Variants in GRK3 observed in about 807,000 individuals in gnomAD.
The protein encoded by GRK3 is adrenergic, beta, receptor kinase 2.
GRK3 carries 54 observed loss-of-function variants against 95.7 expected under a neutral mutation model. The ratio of observed to expected loss-of-function variants is 0.56; its 90% CI spans 0.45 to 0.71. GRK3 has a LOEUF of 0.71. Among genes scored for constraint, GRK3 ranks in the 30% least tolerant of loss-of-function variants. GRK3 has a pLI of 0.00. For synonymous variants in GRK3, 281 were observed against 290.8 expected, an observed-to-expected ratio of 0.97 and a Z score of 0.34; for missense variants, 649 against 851.2, an observed-to-expected ratio of 0.76 and a Z score of 2.96.
chr22:25,601,701 G>T lies in GRK3; in HGVS notation c.114-2676G>T, dbSNP rs757129262. ...CATACTTAGTGTTGAACCAACAAAG[G>T]TGCCAAGATAATTTAATGGAGAAAA... On this transcript the variant is annotated intron_variant, in intron 1 of 20. Coordinates refer to ENST00000324198, the MANE Select transcript of GRK3 (RefSeq NM_005160.4). 3.9e-4 allele frequency among the ~76,000 whole-genome samples: 59 copies of T among 152,158 alleles called. 1 individual carries two copies. In the Middle Eastern group the frequency reaches 0.024, roughly 61 times the overall value.
intron 4 of GRK3, among the ~76,000 whole-genome samples, chr22:25,662,467 A>G (rs1023161113): frequency 1.3e-5 from 2 of 152,128 alleles, no homozygotes; most frequent in Admixed American, 6.5e-5. Context: ...CAGATACACA[A>G]CCCTCCCATT....
In GRK3 at chr22:25,704,207, C is replaced by A. The variant is rs778579878; in HGVS notation, c.1326C>A (p.Gly442=). ...DVSKRLGCHG[G]GSQEVKEHSF... ...GCAAGCGGCTGGGCTGTCACGGAGGCGGGTAGGCCATTGTTCCTGCCTTTC... is the reference window on the plus strand; with the variant it reads ...GCAAGCGGCTGGGCTGTCACGGAGGAGGGTAGGCCATTGTTCCTGCCTTTC... The change falls in exon 15 of 21, where the codon GGC becomes GGA. Residue 442 remains glycine (G), a splice_region_variant and synonymous_variant. Coordinates refer to ENST00000324198, the MANE Select transcript of GRK3 (RefSeq NM_005160.4). The A allele has an allele frequency of 6.2e-7, 1 of 1,610,240 alleles. No homozygotes were observed. Among genetic ancestry groups the A allele is most frequent in the Non-Finnish European group, 8.5e-7 (1 of 1,177,730 alleles).
chr22:25,717,052 C>T (rs1382097817), intron 18 of GRK3, among the ~76,000 whole-genome samples: 2 of 152,204 alleles, frequency 1.3e-5, no homozygotes, highest in African/African-American at 2.4e-5. Context: ...CTAAACTGGT[C>T]CCCGGTGCCA....
intron 1 of GRK3, among the ~76,000 whole-genome samples, chr22:25,582,378 T>C (rs1410133309): frequency 6.6e-6 from 1 of 152,076 alleles, no homozygotes; most frequent in Admixed American, 6.6e-5. Flanking sequence ...GAGAAAAATT[T>C]TAAAAAATCT....
intron 1 of GRK3, among the ~76,000 whole-genome samples, chr22:25,567,705 C>A (rs1237509470): frequency 6.6e-6 from 1 of 152,134 alleles, no homozygotes; most frequent in Non-Finnish European, 1.5e-5. Flanking sequence ...TTTTAATTTG[C>A]CTTTGGTCTA....
chr22:25,648,603 C>A, intron 3 of GRK3: 2 of 1,166,386 alleles, frequency 1.7e-6, no homozygotes, highest in Non-Finnish European at 1.3e-6. Flanking sequence ...TAAACTTGTT[C>A]CACTATATGC....
intron 2 of GRK3, among the ~76,000 whole-genome samples, chr22:25,635,733 A>G (rs959639871): frequency 1.3e-5 from 2 of 152,180 alleles, no homozygotes; most frequent in African/African-American, 4.8e-5. Flanking sequence ...GGTGTTTGCT[A>G]GCATCCTCCA....
intron 6 of GRK3, among the ~76,000 whole-genome samples, chr22:25,670,709 T>C (rs1266551955): frequency 1.3e-5 from 2 of 151,984 alleles, no homozygotes; most frequent in Non-Finnish European, 2.9e-5. Context: ...CACCAGAATG[T>C]TCTCTACGAA....
At chr22:25,655,749 C>A (rs891528725) in intron 3 of GRK3, among the ~76,000 whole-genome samples, 1 of 152,164 alleles carries the variant, frequency 6.6e-6, no homozygotes, top group Non-Finnish European at 1.5e-5. Context: ...CTTACAAATG[C>A]AGACACTGTC....
At chr22:25,642,992 G>GA (rs2084754434) in intron 2 of GRK3, among the ~76,000 whole-genome samples, 1 of 152,176 alleles carries the variant, frequency 6.6e-6, no homozygotes, top group African/African-American at 2.4e-5. Context: ...GAGCTAAACA[G>GA]AAAATCAGTG....
chr22:25,616,162 C>T (rs896193386), intron 2 of GRK3, among the ~76,000 whole-genome samples: 2 of 152,072 alleles, frequency 1.3e-5, no homozygotes, highest in Admixed American at 6.5e-5. Context: ...TCAGTCTGGC[C>T]GATGGGGAGG....
chr22:25,684,886 T>C (rs1828548312), intron 9 of GRK3, among the ~76,000 whole-genome samples: 1 of 152,178 alleles, frequency 6.6e-6, no homozygotes, highest in South Asian at 2.1e-4. Flanking sequence ...ACCCACAGCA[T>C]ATATTGTATA....
At chr22:25,648,694 A>G (rs2084805617) in intron 3 of GRK3, 6 of 1,024,114 alleles carry the variant, frequency 5.9e-6, no homozygotes, top group Admixed American at 5.1e-5. Context: ...AAGGAAGGAG[A>G]TGGAAAGTAT....
chr22:25,635,021 G>C (rs1303641707), intron 2 of GRK3, among the ~76,000 whole-genome samples: 1 of 152,182 alleles, frequency 6.6e-6, no homozygotes, highest in East Asian at 1.9e-4. Flanking sequence ...TTTAAACCAA[G>C]CTTGTCCAAC....
At chr22:25,587,901 A>G (rs5760981) in intron 1 of GRK3, among the ~76,000 whole-genome samples, 10,300 of 125,288 alleles carry the variant, frequency 0.082, 89 homozygotes, top group African/African-American at 0.24. Context: ...ACATGGAACT[A>G]TAAGTCCAAT....
intron 4 of GRK3, among the ~76,000 whole-genome samples, chr22:25,662,229 A>G (rs532043400): frequency 6.6e-6 from 1 of 152,340 alleles, no homozygotes; most frequent in East Asian, 1.9e-4. Flanking sequence ...CTGGAAGAAC[A>G]TTTACCATGT....
chr22:25,565,147 A>G lies in GRK3; in HGVS notation c.107A>G (p.Glu36Gly). The change falls in exon 1 of 21, where the codon GAG becomes GGG. Residue 36 changes from glutamate to glycine, a missense_variant. This residue lies in a region of GRK3 where 206 missense variants were observed against 231.4 expected (regional missense o/e 0.89). Coordinates refer to ENST00000324198, the MANE Select transcript of GRK3 (RefSeq NM_005160.4). ...GCCAGCAAGAGGATCGTCCTGCCGG[A>G]GCCCAGGTACCAGCTGCCCCGGCCG... ...ARASKRIVLP[E>G]PSIRSVMQKY... 6.6e-7 allele frequency: 1 copy of G among 1,517,306 alleles called. No individual in the cohort carries two copies. Among genetic ancestry groups the G allele is most frequent in the Non-Finnish European group, 8.8e-7 (1 of 1,133,678 alleles). 94.0% of individuals were successfully genotyped at this position (1,517,306 alleles called of 1,614,324 possible). A position where few individuals can be genotyped will look rare whatever the true frequency, so the allele number is the denominator to read the frequency against.
At position 25,616,496 on chromosome 22, in the gene GRK3, G is replaced by A. The variant is rs529084185; in HGVS notation, c.190+12043G>A. ...TGAGAACAGCAAGGAGGAAATCCGT[G>A]CCCATGACCCAGTCACCTTCCACCA... On this transcript the variant is annotated intron_variant, in intron 2 of 20. Coordinates refer to ENST00000324198, the MANE Select transcript of GRK3 (RefSeq NM_005160.4). 3.5e-3 allele frequency among the ~76,000 whole-genome samples: 531 copies of A among 152,212 alleles called. 7 individuals are homozygous for A. The highest frequency in any genetic ancestry group is 0.014 in the Middle Eastern group (4 of 294).
rs1350848640 is a variant in GRK3, at chr22:25,614,493, T to C, written c.190+10040T>C. On this transcript the variant is annotated intron_variant, in intron 2 of 20. Transcript: ENST00000324198. ...TCCCAGAGCTCTTCTGAGTGTGTGA[T>C]TGGAATACTATTAGTCCATAATTGG... 3.9e-5 allele frequency among the ~76,000 whole-genome samples: 6 copies of C among 152,304 alleles called. No individual in the cohort carries two copies. In the East Asian group the frequency reaches 7.7e-4, roughly 20 times the overall value.
Sources: allele counts gnomAD v4.1 joint callset (sites outside exome capture counted in the v4.1 genomes callset), GRCh38; gene constraint gnomAD v4.1.1; regional missense constraint gnomAD v4.1.1; transcripts MANE v1.5; gene names NCBI Gene and HGNC (gene_info 2026-07-23, HGNC 2026-07-21).